Variants in OPRM1 observed in about 807,000 individuals in gnomAD.
The protein encoded by OPRM1 is opioid receptor mu 1.
A neutral mutation model predicts 31.8 loss-of-function variants in OPRM1; 27 were observed. The ratio of observed to expected loss-of-function variants is 0.85; its 90% confidence interval spans 0.63 to 1.17. The LOEUF is 1.17. Among genes scored for constraint, OPRM1 ranks in the 50% most tolerant of loss-of-function variants. The probability of loss-of-function intolerance (pLI) is 0.00; values close to 1 mark genes in which losing one functional copy is unlikely to be tolerated. For missense variants in OPRM1, 536 were observed against 511.1 expected (o/e 1.05, Z -0.47); for synonymous variants, 196 against 189.9 (o/e 1.03, Z -0.26).
chr6:154,214,187 T>A (rs752016121), intron 3 of OPRM1: 2 of 1,446,462 alleles, frequency 1.4e-6, no homozygotes, highest in South Asian at 2.3e-5. Flanking sequence ...ATATTCTTGC[T>A]AAATTTTCAG....
rs551188574 is a variant in OPRM1, at chr6:154,160,877, C to T, written c.1164+69405C>T. Among the ~76,000 whole-genome samples the T allele has an allele frequency of 2.4e-3, 360 of 152,284 alleles. 1 individual carries two copies. Among genetic ancestry groups the T allele is most frequent in the African/African-American group, 8.4e-3 (351 of 41,550 alleles). On this transcript the variant is annotated intron_variant, in intron 3 of 3. Transcript: ENST00000337049. ...TGATCTGCTGCCACAGCCTCCTGAG[C>T]GAGACCACTGCCTCCAATGCCCACT...
intron 1 of OPRM1, among the ~76,000 whole-genome samples, chr6:154,049,658 TG>T (rs760693319): frequency 3.3e-5 from 5 of 152,216 alleles, no homozygotes; most frequent in Non-Finnish European, 5.9e-5. Flanking sequence ...AAATTAAATA[TG>T]GTAGCAAATT....
At chr6:154,244,843 C>T (rs1390074247) in intron 3 of OPRM1, among the ~76,000 whole-genome samples, 1 of 152,230 alleles carries the variant, frequency 6.6e-6, no homozygotes, top group Non-Finnish European at 1.5e-5. Flanking sequence ...AGCTTTATTA[C>T]TTCCCACAGA....
chr6:154,137,670 A>G (rs1371288087), intron 3 of OPRM1, among the ~76,000 whole-genome samples: 1 of 152,254 alleles, frequency 6.6e-6, no homozygotes, highest in Non-Finnish European at 1.5e-5. Flanking sequence ...CACATACAAA[A>G]GAATGGTACA....
chr6:154,222,735 A>G (rs777410554), intron 3 of OPRM1, among the ~76,000 whole-genome samples: 2 of 152,218 alleles, frequency 1.3e-5, no homozygotes, highest in Non-Finnish European at 1.5e-5. Context: ...AAGACATCTC[A>G]GAAAATTCAA....
At chr6:154,210,092 T>C (rs552399699) in intron 3 of OPRM1, among the ~76,000 whole-genome samples, 6 of 152,220 alleles carry the variant, frequency 3.9e-5, no homozygotes, top group Non-Finnish European at 7.3e-5. Context: ...TATAATGCAA[T>C]TGAGCCATGA....
rs79910351 is a variant in OPRM1 at position 154,090,076 on chromosome 6, C to T, written c.541C>T (p.Arg181Cys). 2,848 of 1,614,054 alleles carry T rather than the reference C, an allele frequency of 1.8e-3. 6 individuals carry two copies. Among genetic ancestry groups the T allele is most frequent in the Non-Finnish European group, 2.1e-3 (2,445 of 1,179,922 alleles). ...CCACCCTGTCAAGGCCTTAGATTTC[C>T]GTACTCCCCGAAATGCCAAAATTAT... is the stretch of plus-strand genomic sequence containing the variant. Reference protein sequence around the residue: ...VCHPVKALDFRTPRNAKIINV... With the variant: ...VCHPVKALDFCTPRNAKIINV... Residue 181 changes from arginine (R) to cysteine (C), a missense_variant, in exon 2 of 4, where the codon CGT (arginine) becomes TGT (cysteine). By Grantham distance (180) the Arg-to-Cys change is radical. Transcript: ENST00000330432.
chr6:154,152,106 G>A (rs1225898536), intron 3 of OPRM1, among the ~76,000 whole-genome samples: 4 of 150,528 alleles, frequency 2.7e-5, no homozygotes, highest in Admixed American at 2.7e-4. Flanking sequence ...GACCCTGGGA[G>A]GCAGAGGTTG....
chr6:154,195,121 C>G (rs1776484588), intron 3 of OPRM1, among the ~76,000 whole-genome samples: 1 of 151,044 alleles, frequency 6.6e-6, no homozygotes. Flanking sequence ...CTGCACTCTA[C>G]AGCTAAAATA....
Position 154,105,152 on chromosome 6 carries a change from A to C in OPRM1, c.1165-13531A>C, listed in dbSNP as rs184543839. On this transcript the variant is annotated intron_variant, in intron 3 of 3. Transcript: ENST00000330432. Reference sequence around the variant, plus strand: ...AAACAGATTCTTATTATGCCTATGCAAATAACTATACTACCATAAGTTAAG... The same window carrying C: ...AAACAGATTCTTATTATGCCTATGCCAATAACTATACTACCATAAGTTAAG... 1.2e-4 allele frequency among the ~76,000 whole-genome samples: 18 copies of C among 152,368 alleles called. No individual in the cohort carries two copies. The East Asian group carries it at 2.7e-3, about 23-fold the overall frequency.
At chr6:154,139,492 T>A (rs1211320641) in intron 3 of OPRM1, among the ~76,000 whole-genome samples, 1 of 152,120 alleles carries the variant, frequency 6.6e-6, no homozygotes, top group Non-Finnish European at 1.5e-5. Flanking sequence ...AAAACCAGAA[T>A]AAGCTGAAGA....
At chr6:154,011,166 C>A in intron 1 of OPRM1, 1 of 694,014 alleles carries the variant, frequency 1.4e-6, no homozygotes. Context: ...ATAAGGAATA[C>A]CAAGCACAAA....
chr6:154,216,689 G>A (rs1344036048), intron 3 of OPRM1, among the ~76,000 whole-genome samples: 2 of 152,244 alleles, frequency 1.3e-5, no homozygotes, highest in Admixed American at 6.5e-5. Flanking sequence ...CCAACATGGT[G>A]AAACCCTGTC....
intron 3 of OPRM1, among the ~76,000 whole-genome samples, chr6:154,172,079 A>G (rs984077947): frequency 3.3e-5 from 5 of 152,256 alleles, no homozygotes; most frequent in Admixed American, 1.3e-4. Context: ...GATAGAAAAC[A>G]ACTTACCAAT....
chr6:154,150,305 G>T (rs1300386251), intron 3 of OPRM1, among the ~76,000 whole-genome samples: 3 of 152,216 alleles, frequency 2.0e-5, no homozygotes, highest in African/African-American at 7.2e-5. Context: ...TTGATGCTTT[G>T]TTCTTGCTTC....
intron 3 of OPRM1, among the ~76,000 whole-genome samples, chr6:154,205,045 T>C (rs1777378588): frequency 6.6e-6 from 1 of 152,186 alleles, no homozygotes; most frequent in Non-Finnish European, 1.5e-5. Flanking sequence ...GGACCTCCAC[T>C]GAAATATCAC....
upstream of OPRM1, among the ~76,000 whole-genome samples, chr6:154,036,787 T>A (rs1373607793): frequency 4.6e-5 from 7 of 152,028 alleles, no homozygotes; most frequent in Admixed American, 2.0e-4. Flanking sequence ...TGCCATTATC[T>A]GGGTATAATG....
chr6:154,103,206 C>G (rs1178099638), intron 3 of OPRM1, among the ~76,000 whole-genome samples: 3 of 152,202 alleles, frequency 2.0e-5, no homozygotes, highest in African/African-American at 7.2e-5. Context: ...AATGGAAGGA[C>G]TCCTGGAAAA....
chr6:154,033,554 A>C (rs1403807275), intron 1 of OPRM1, among the ~76,000 whole-genome samples: 2 of 152,230 alleles, frequency 1.3e-5, no homozygotes, highest in Non-Finnish European at 2.9e-5. Context: ...AGAAAGAATC[A>C]AGTGAAAGGA....
Sources: allele counts gnomAD v4.1 joint callset (sites outside exome capture counted in the v4.1 genomes callset), GRCh38; gene constraint gnomAD v4.1.1; transcripts MANE v1.5; gene names NCBI Gene and HGNC (gene_info 2026-07-23, HGNC 2026-07-21).